SLC14A2: variants seen among roughly 807,000 people sequenced by gnomAD.
SLC14A2 encodes urea transporter 2.
A neutral mutation model predicts 104.6 loss-of-function variants in SLC14A2; 91 were observed. That is an observed-to-expected ratio of 0.87 (90% CI 0.73 to 1.04). The LOEUF (loss-of-function observed/expected upper bound fraction) is 1.04. SLC14A2 is among the 50% of genes least tolerant of loss of function. SLC14A2 has a pLI of 0.00. For missense variants in SLC14A2, 1,189 were observed against 1,156.0 expected, an observed-to-expected ratio of 1.03 and a Z score of -0.41; for synonymous variants, 476 against 466.4, an observed-to-expected ratio of 1.02 and a Z score of -0.27.
chr18:45,198,895 C>T, the SLC14A2 span, among the ~76,000 whole-genome samples: 7 of 152,038 alleles, frequency 4.6e-5, no homozygotes, highest in African/African-American at 1.4e-4. Flanking sequence ...CAGTAAACAC[C>T]TATGTATTTT....
At chr18:45,401,899 A>G (rs2086100304) in intron 1 of SLC14A2, among the ~76,000 whole-genome samples, 1 of 152,196 alleles carries the variant, frequency 6.6e-6, no homozygotes, top group African/African-American at 2.4e-5. Context: ...TATAGTTTAA[A>G]TAAGAGGGAG....
intron 2 of SLC14A2, among the ~76,000 whole-genome samples, chr18:45,562,640 C>A (rs924152918): frequency 2.6e-5 from 4 of 152,122 alleles, no homozygotes; most frequent in African/African-American, 9.7e-5. Flanking sequence ...CTTGTTGGCC[C>A]GGGCAGCCGG....
intron 1 of SLC14A2, chr18:45,483,054 G>T (rs2087527400): frequency 6.6e-6 from 1 of 152,130 alleles, no homozygotes; most frequent in Admixed American, 6.6e-5. Context: ...AACAGTAGTT[G>T]TATCTAGATG....
intron 1 of SLC14A2, among the ~76,000 whole-genome samples, chr18:45,216,746 G>C (rs1306474769): frequency 6.6e-6 from 1 of 152,180 alleles, no homozygotes; most frequent in African/African-American, 2.4e-5. Context: ...GGGTGTTCTG[G>C]AAGAACTCAT....
At chr18:45,380,947 A>C (rs1487244129) in intron 1 of SLC14A2, among the ~76,000 whole-genome samples, 1 of 152,142 alleles carries the variant, frequency 6.6e-6, no homozygotes, top group Non-Finnish European at 1.5e-5. Context: ...TGCTTTGTCA[A>C]CTCTGAAGTT....
intron 1 of SLC14A2, among the ~76,000 whole-genome samples, chr18:45,457,404 T>C (rs2086963203): frequency 6.6e-6 from 1 of 152,144 alleles, no homozygotes; most frequent in African/African-American, 2.4e-5. Flanking sequence ...GTCAACTGCA[T>C]ATATGTGCAG....
At chr18:45,465,208 C>T (rs1338921974) in intron 1 of SLC14A2, among the ~76,000 whole-genome samples, 2 of 152,178 alleles carry the variant, frequency 1.3e-5, no homozygotes, top group African/African-American at 2.4e-5. Flanking sequence ...CTATCTCTGT[C>T]ACAGTGTCAT....
intron 2 of SLC14A2, among the ~76,000 whole-genome samples, chr18:45,509,239 A>G (rs1295780093): frequency 6.6e-6 from 1 of 152,132 alleles, no homozygotes. Context: ...GAGGAGATGG[A>G]CCAAATCTCC....
intron 2 of SLC14A2, among the ~76,000 whole-genome samples, chr18:45,505,426 C>T (rs576511444): frequency 1.3e-5 from 2 of 152,230 alleles, no homozygotes; most frequent in South Asian, 4.2e-4. Context: ...AGAGGGAAGA[C>T]GGAGTGGGTG....
upstream of SLC14A2, among the ~76,000 whole-genome samples, chr18:45,612,320 T>C (rs2044986063): frequency 6.6e-6 from 1 of 152,230 alleles, no homozygotes; most frequent in Non-Finnish European, 1.5e-5. Context: ...TATGTGCCCA[T>C]GACATTCCAA....
At chr18:45,443,427 T>C (rs1023127648) in intron 1 of SLC14A2, among the ~76,000 whole-genome samples, 7 of 152,254 alleles carry the variant, frequency 4.6e-5, no homozygotes, top group Non-Finnish European at 7.3e-5. Flanking sequence ...CCTGTCTGTC[T>C]AGATTCTTCT....
At chr18:45,338,766 C>A (rs1461960706) in intron 1 of SLC14A2, among the ~76,000 whole-genome samples, 1 of 149,850 alleles carries the variant, frequency 6.7e-6, no homozygotes, top group African/African-American at 2.5e-5. Context: ...AACATGGGTC[C>A]TGTCCCTCTG....
At chr18:45,361,214 C>A (rs903063895) in intron 1 of SLC14A2, among the ~76,000 whole-genome samples, 1 of 152,110 alleles carries the variant, frequency 6.6e-6, no homozygotes, top group Non-Finnish European at 1.5e-5. Flanking sequence ...GATTTTTATC[C>A]CTTATTTGCG....
At chr18:45,635,036 A>C (rs185137088) in intron 5 of SLC14A2, 1 of 212,472 alleles carries the variant, frequency 4.7e-6, no homozygotes, top group Non-Finnish European at 9.8e-6. Flanking sequence ...CAAGGAGAGG[A>C]AAAAAAAAAA....
chr18:45,493,072 C>T (rs1427506144), intron 2 of SLC14A2: 1 of 152,270 alleles, frequency 6.6e-6, no homozygotes. Flanking sequence ...CTGCTAGAAA[C>T]ACCCAGATTT....
At chr18:45,535,494 T>C (rs7231477) in intron 2 of SLC14A2, among the ~76,000 whole-genome samples, 4,212 of 152,238 alleles carry the variant, frequency 0.028, 189 homozygotes, top group African/African-American at 0.094. Flanking sequence ...GATATATATT[T>C]CCATCCTCAT....
intron 1 of SLC14A2, among the ~76,000 whole-genome samples, chr18:45,469,545 T>G (rs2087206521): frequency 1.3e-5 from 2 of 152,072 alleles, no homozygotes; most frequent in Non-Finnish European, 2.9e-5. Context: ...GAATGAAGGA[T>G]GAGGTGGAGC....
At chr18:45,405,561 A>T (rs8094810) in intron 1 of SLC14A2, among the ~76,000 whole-genome samples, 11,157 of 152,238 alleles carry the variant, frequency 0.073, 498 homozygotes, top group East Asian at 0.14. Flanking sequence ...ATTGTGTCTT[A>T]AAAAAAGATG....
chr18:45,352,406 G>C (rs1311670416), intron 1 of SLC14A2, among the ~76,000 whole-genome samples: 1 of 152,158 alleles, frequency 6.6e-6, no homozygotes, highest in East Asian at 1.9e-4. Flanking sequence ...ATCCCCCAAA[G>C]AGGAGGAAGA....
Sources: allele counts gnomAD v4.1 joint callset (sites outside exome capture counted in the v4.1 genomes callset), GRCh38; gene constraint gnomAD v4.1.1; transcripts MANE v1.5; gene names NCBI Gene and HGNC (gene_info 2026-07-23, HGNC 2026-07-21).